Variants in PNLIPRP3 observed in about 807,000 individuals in gnomAD.
The protein encoded by PNLIPRP3 is pancreatic lipase related protein 3.
A neutral mutation model predicts 52.8 loss-of-function variants in PNLIPRP3; 58 were observed. That is an observed-to-expected ratio of 1.10 (90% CI 0.89 to 1.37). The LOEUF is 1.37. PNLIPRP3 is among the 40% of genes most tolerant of loss of function. The pLI is 0.00. For missense variants in PNLIPRP3, 593 were observed against 561.6 expected, an observed-to-expected ratio of 1.06 and a Z score of -0.57; for synonymous variants, 192 against 185.0, an observed-to-expected ratio of 1.04 and a Z score of -0.31.
intron 5 of PNLIPRP3, among the ~76,000 whole-genome samples, chr10:116,456,777 C>T (rs1846122047): frequency 6.6e-6 from 1 of 152,156 alleles, no homozygotes; most frequent in Non-Finnish European, 1.5e-5. Flanking sequence ...CCTCTGCATC[C>T]CCCCACCAAC....
intron 4 of PNLIPRP3, among the ~76,000 whole-genome samples, chr10:116,444,727 T>C (rs1249387033): frequency 6.6e-6 from 1 of 152,216 alleles, no homozygotes; most frequent in African/African-American, 2.4e-5. Flanking sequence ...GCAGTGTGTC[T>C]ACACAGGCTC....
At chr10:116,443,368 A>G (rs1845885793) in intron 3 of PNLIPRP3, among the ~76,000 whole-genome samples, 194 bp downstream of exon 3, 1 of 152,050 alleles carries the variant, frequency 6.6e-6, no homozygotes, top group African/African-American at 2.4e-5. Context: ...ATTACAAGGG[A>G]AGCAAATTTG....
At chr10:116,439,330 A>G in intron 2 of PNLIPRP3, 1 of 414,848 alleles carries the variant, frequency 2.4e-6, no homozygotes, top group Non-Finnish European at 4.5e-6. Flanking sequence ...AGAGACTACA[A>G]TATGATCATG....
chr10:116,474,575 T>C (rs971227896), intron 10 of PNLIPRP3, among the ~76,000 whole-genome samples: 8 of 152,268 alleles, frequency 5.3e-5, no homozygotes, highest in Non-Finnish European at 7.3e-5. Context: ...ATATCCCACA[T>C]CTGTAAGGAA....
At position 116,450,411 on chromosome 10, in the gene PNLIPRP3, G is replaced by A. The variant is rs373609895; in HGVS notation, c.457-5311G>A. Among the ~76,000 whole-genome samples the A allele has an allele frequency of 9.6e-4, 146 of 152,046 alleles. 1 individual carries two copies. In the South Asian group the frequency reaches 0.029, roughly 30 times the overall value. On this transcript the variant is annotated intron_variant, in intron 4 of 11. Transcript: ENST00000369230. ...ATTGGATACCCCTGAACTAGATAAAGGAGAATAAACTTATTCTAAAGTTAG... is the reference window on the plus strand; with the variant it reads ...ATTGGATACCCCTGAACTAGATAAAAGAGAATAAACTTATTCTAAAGTTAG...
At chr10:116,442,479 T>A (rs1253681376) in intron 2 of PNLIPRP3, among the ~76,000 whole-genome samples, 1 of 152,210 alleles carries the variant, frequency 6.6e-6, no homozygotes, top group Non-Finnish European at 1.5e-5. Context: ...GAAACTATGA[T>A]TTAAACTTCC....
chr10:116,429,133 T>C (rs1845675385), intron 1 of PNLIPRP3, among the ~76,000 whole-genome samples: 1 of 152,096 alleles, frequency 6.6e-6, no homozygotes. Flanking sequence ...AGCACTAACA[T>C]GATGCCACAA....
chr10:116,436,818 A>C lies in PNLIPRP3; in HGVS notation c.157A>C (p.Asn53His). The C allele has an allele frequency of 6.2e-7, 1 of 1,613,726 alleles. No homozygotes were observed. Among genetic ancestry groups the C allele is most frequent in the African/African-American group, 1.3e-5 (1 of 75,022 alleles). The change falls in exon 2 of 12, where the codon AAC (asparagine) becomes CAC (histidine). Residue 53 changes from asparagine to histidine, a missense_variant. Asn to His is a moderately conservative substitution (Grantham distance 68). Transcript: ENST00000369230. Reference sequence around the variant, plus strand: ...TTTACCCTGGTCTCCAGAGAAGATAAACACTCGTTTCCTGCTCTACACTAT... The same window carrying C: ...TTTACCCTGGTCTCCAGAGAAGATACACACTCGTTTCCTGCTCTACACTAT... ...VGLPWSPEKI[N>H]TRFLLYTIHN...
At chr10:116,452,955 G>A (rs1212955321) in intron 4 of PNLIPRP3, among the ~76,000 whole-genome samples, 2 of 152,230 alleles carry the variant, frequency 1.3e-5, no homozygotes, top group Non-Finnish European at 2.9e-5. Flanking sequence ...TCTGTGGGAA[G>A]GGGCTCCTGC....
rs1201860648 is a variant in PNLIPRP3, at chr10:116,455,731, G to T, written c.466G>T (p.Glu156Ter). 6.2e-7 allele frequency: 1 copy of T among 1,611,790 alleles called. No homozygotes were observed. The highest frequency in any genetic ancestry group is 8.5e-7 in the Non-Finnish European group (1 of 1,178,868). Residue 156 changes from glutamate to a stop codon, truncating the protein, a stop_gained, in exon 5 of 12, where the codon GAA becomes TAA. Transcript: ENST00000369230. LOFTEE classifies it high-confidence loss of function. ...YFIDVLMKKF[E>*]YSPSKVHLIG... ...TAAACAATTCTTTCAGAAAAAATTTGAATATTCCCCTTCTAAAGTGCACTT... is the reference window on the plus strand; with the variant it reads ...TAAACAATTCTTTCAGAAAAAATTTTAATATTCCCCTTCTAAAGTGCACTT...
At chr10:116,469,400 A>C in intron 9 of PNLIPRP3, 83 bp downstream of exon 9, 8 of 1,332,924 alleles carry the variant, frequency 6.0e-6, no homozygotes, top group Non-Finnish European at 7.1e-6. Flanking sequence ...AGTGTCTACT[A>C]AATAACTGGG....
chr10:116,444,944 A>G (rs1292895702), intron 4 of PNLIPRP3, among the ~76,000 whole-genome samples: 1 of 152,230 alleles, frequency 6.6e-6, no homozygotes, highest in Non-Finnish European at 1.5e-5. Flanking sequence ...CAGTCCAGAC[A>G]CAACTATTTA....
intron 10 of PNLIPRP3, among the ~76,000 whole-genome samples, chr10:116,476,269 A>T (rs1189518140): frequency 6.6e-6 from 1 of 152,198 alleles, no homozygotes; most frequent in African/African-American, 2.4e-5. Context: ...ATTGGTGAAC[A>T]GGCTCCTGGT....
chr10:116,456,123 C>T (rs1846109929), intron 5 of PNLIPRP3, among the ~76,000 whole-genome samples: 1 of 152,044 alleles, frequency 6.6e-6, no homozygotes, highest in African/African-American at 2.4e-5. Flanking sequence ...GATTTCATAC[C>T]AGTAATGCAA....
chr10:116,477,384 A>G lies in PNLIPRP3; in HGVS notation c.*231A>G. On this transcript the variant is annotated 3_prime_UTR_variant, in exon 12 of 12. Coordinates refer to ENST00000369230, the MANE Select transcript of PNLIPRP3 (RefSeq NM_001011709.3). ...AAAGATAATTACTATGATCTGTAGG[A>G]ATCTGGATATCATTGACAAAATAGA... The G allele has an allele frequency of 2.9e-6, 1 of 343,896 alleles. No individual in the cohort carries two copies. 21.3% of individuals were successfully genotyped at this position (343,896 alleles called of 1,614,324 possible).
At chr10:116,467,900 C>T (rs905211682) in intron 8 of PNLIPRP3, among the ~76,000 whole-genome samples, 16 of 151,832 alleles carry the variant, frequency 1.1e-4, no homozygotes, top group African/African-American at 2.2e-4. Flanking sequence ...CCGAGGAAGG[C>T]GGATCACTAG....
rs765954989 is a variant in PNLIPRP3 at position 116,476,702 on chromosome 10, T to G, written c.1223T>G (p.Val408Gly). The G allele has an allele frequency of 4.4e-5, 70 of 1,601,564 alleles. No individual in the cohort carries two copies. In the South Asian group the frequency reaches 7.4e-4, roughly 17 times the overall value. The change falls in exon 11 of 12, where the codon GTT (valine) becomes GGT (glycine). Residue 408 changes from valine (V) to glycine (G), a missense_variant. Val to Gly is a moderately radical substitution (Grantham distance 109). Coordinates refer to ENST00000369230, the MANE Select transcript of PNLIPRP3 (RefSeq NM_001011709.3). The part of the protein sequence containing the change: ...MTYTKLIDAD[V>G]NVGNITSVQF... Reference sequence around the variant, plus strand: ...TACACAAAATTAATCGATGCAGATGTTAACGTTGGAAACATTACAAGTGTT... The same window carrying G: ...TACACAAAATTAATCGATGCAGATGGTAACGTTGGAAACATTACAAGTGTT...
At chr10:116,476,464 C>T (rs564542733) in intron 10 of PNLIPRP3, among the ~76,000 whole-genome samples, 188 bp from the exon 11 acceptor site, 5 of 152,154 alleles carry the variant, frequency 3.3e-5, no homozygotes, top group African/African-American at 4.8e-5. Flanking sequence ...TTACTTCACC[C>T]TTCTTTCAAA....
In PNLIPRP3 at chr10:116,455,719, CA is replaced by C. The variant is rs778583350; in HGVS notation, c.457-2del. The C allele has an allele frequency of 6.8e-6, 11 of 1,606,398 alleles. No homozygotes were observed. The highest frequency in any genetic ancestry group is 1.7e-4 in the Middle Eastern group (1 of 6,042). On this transcript the variant is annotated splice_acceptor_variant, in intron 4 of 11. Coordinates refer to ENST00000369230, the MANE Select transcript of PNLIPRP3 (RefSeq NM_001011709.3). LOFTEE classifies it high-confidence loss of function. The stretch of plus-strand genomic sequence containing the variant: ...TACTTATTCTGTTAAACAATTCTTT[CA>C]GAAAAAATTTGAATATTCCCCTTCT...
Sources: allele counts gnomAD v4.1 joint callset (sites outside exome capture counted in the v4.1 genomes callset), GRCh38; gene constraint gnomAD v4.1.1; transcripts MANE v1.5; gene names NCBI Gene and HGNC (gene_info 2026-07-23, HGNC 2026-07-21).